NAALAD2: variants seen among roughly 807,000 people sequenced by gnomAD.
The protein encoded by NAALAD2 is N-acetylated-alpha-linked acidic dipeptidase 2.
NAALAD2 carries 89 observed loss-of-function variants against 95.6 expected under a neutral mutation model. That is an observed-to-expected ratio of 0.93 (90% confidence interval 0.78 to 1.11). The LOEUF is 1.11. Among genes scored for constraint, NAALAD2 ranks in the 50% least tolerant of loss-of-function variants. The pLI is 0.00. For synonymous variants in NAALAD2, 264 were observed against 294.4 expected (o/e 0.90, Z 1.06); for missense variants, 894 against 872.4 (o/e 1.02, Z -0.31).
At chr11:90,140,837 A>G (rs752005287) in intron 2 of NAALAD2, among the ~76,000 whole-genome samples, 19 of 152,036 alleles carry the variant, frequency 1.2e-4, no homozygotes, top group Non-Finnish European at 1.8e-4. Flanking sequence ...GAGATTTATA[A>G]TTTACCTTTT....
chr11:90,166,478 C>T (rs900925701), intron 11 of NAALAD2, among the ~76,000 whole-genome samples: 3 of 151,966 alleles, frequency 2.0e-5, no homozygotes. Context: ...CTTGGGTATC[C>T]CCTCCATAAA....
Position 90,150,526 on chromosome 11 carries a change from C to G in NAALAD2, c.528C>G (p.Phe176Leu). Reference protein sequence around the residue: ...YVNYARTEDFFKLEREMGINC... With the variant: ...YVNYARTEDFLKLEREMGINC... ...ACTATGCTCGCACTGAAGACTTTTT[C>G]AAACTAGAAAGAGAGATGGGCATCA... Residue 176 changes from phenylalanine to leucine, a missense_variant, in exon 5 of 19, where the codon TTC (phenylalanine) becomes TTG (leucine). Coordinates refer to ENST00000534061, the MANE Select transcript of NAALAD2 (RefSeq NM_005467.4). The G allele has an allele frequency of 6.2e-7, 1 of 1,609,986 alleles. No homozygotes were observed. Among genetic ancestry groups the G allele is most frequent in the Non-Finnish European group, 8.5e-7 (1 of 1,177,734 alleles).
intron 2 of NAALAD2, among the ~76,000 whole-genome samples, chr11:90,145,829 T>C (rs979047080): frequency 6.6e-6 from 1 of 152,186 alleles, no homozygotes; most frequent in African/African-American, 2.4e-5. Flanking sequence ...AAAATAAGTA[T>C]ACTCAGTGAC....
intron 18 of NAALAD2, among the ~76,000 whole-genome samples, chr11:90,184,810 G>T (rs1243097066): frequency 6.6e-6 from 1 of 151,714 alleles, no homozygotes; most frequent in Non-Finnish European, 1.5e-5. Flanking sequence ...TCAGCCCTCT[G>T]TATCTGTGAG....
intron 2 of NAALAD2, among the ~76,000 whole-genome samples, chr11:90,138,771 A>T (rs113071400): frequency 7.4e-4 from 75 of 101,520 alleles, no homozygotes; most frequent in African/African-American, 2.8e-3. Context: ...CCATATTCAC[A>T]ATCTCTTTCA....
intron 18 of NAALAD2, among the ~76,000 whole-genome samples, chr11:90,186,043 T>C (rs983169795): frequency 2.0e-5 from 3 of 152,126 alleles, no homozygotes; most frequent in African/African-American, 4.8e-5. Context: ...TTATTTATTA[T>C]ACTTTTAAGT....
chr11:90,191,531 C>A, intron 18 of NAALAD2, 27 bp from the exon 19 acceptor site: 4 of 1,505,698 alleles, frequency 2.7e-6, no homozygotes, highest in South Asian at 1.4e-5. Flanking sequence ...CACTTTAGTT[C>A]AATTTGCCTT....
upstream of NAALAD2, among the ~76,000 whole-genome samples, chr11:90,134,256 A>G (rs1951401805): frequency 6.6e-6 from 1 of 152,208 alleles, no homozygotes; most frequent in Admixed American, 6.5e-5. Context: ...TGATTGCGGT[A>G]TTAGTGATGT....
chr11:90,147,065 A>T (rs7942570), intron 2 of NAALAD2, among the ~76,000 whole-genome samples: 3,750 of 152,264 alleles, frequency 0.025, 148 homozygotes, highest in African/African-American at 0.084. Context: ...CCAGGGTGTC[A>T]TCTCATATCT....
chr11:90,142,669 G>A (rs889911366), intron 2 of NAALAD2, among the ~76,000 whole-genome samples: 2 of 151,910 alleles, frequency 1.3e-5, no homozygotes, highest in African/African-American at 4.8e-5. Flanking sequence ...TATCCACTCT[G>A]GTAACCTCTG....
At chr11:90,185,492 G>A (rs768218736) in intron 18 of NAALAD2, among the ~76,000 whole-genome samples, 34 of 151,980 alleles carry the variant, frequency 2.2e-4, no homozygotes, top group South Asian at 4.2e-4. Context: ...GTAACACAGC[G>A]AGACCCTGTT....
intron 10 of NAALAD2, 38 bp downstream of exon 10, chr11:90,163,467 G>T: frequency 1.2e-6 from 2 of 1,613,190 alleles, no homozygotes. Flanking sequence ...GACAAAAAGT[G>T]ACTTACTGAA....
intron 12 of NAALAD2, chr11:90,169,423 T>G (rs1207460881): frequency 6.5e-6 from 1 of 154,726 alleles, no homozygotes; most frequent in Admixed American, 6.6e-5. Context: ...ACTTACTCAC[T>G]CCTTTTGAAC....
intron 16 of NAALAD2, among the ~76,000 whole-genome samples, chr11:90,179,975 C>T (rs1394330427): frequency 1.3e-5 from 2 of 152,064 alleles, no homozygotes; most frequent in Non-Finnish European, 2.9e-5. Context: ...CCTGATGTGT[C>T]CCACTTTCTT....
intron 6 of NAALAD2, among the ~76,000 whole-genome samples, chr11:90,154,104 G>T (rs372462894): frequency 5.6e-5 from 8 of 142,998 alleles, no homozygotes; most frequent in African/African-American, 2.1e-4. Context: ...TTGCTTTATT[G>T]TACTGGCTAG....
At chr11:90,164,797 T>G (rs1952389540) in intron 11 of NAALAD2, among the ~76,000 whole-genome samples, 1 of 152,122 alleles carries the variant, frequency 6.6e-6, no homozygotes, top group Admixed American at 6.6e-5. Flanking sequence ...AAAAACTAGG[T>G]GAAGAGAGAA....
rs533787538 is a variant in NAALAD2, at chr11:90,141,713, G to A, written c.195-5617G>A. ...GATCCTCCCACCTAGGCCTCCCAGA[G>A]TTCTGGGATTACAAATGTGAGCCAC... On this transcript the variant is annotated intron_variant, in intron 2 of 18. Coordinates refer to ENST00000534061, the MANE Select transcript of NAALAD2 (RefSeq NM_005467.4). Among the ~76,000 whole-genome samples, 44 of 152,204 alleles carry A rather than the reference G, an allele frequency of 2.9e-4. No homozygotes were observed. The South Asian group carries it at 9.1e-3, about 32-fold the overall frequency.
At chr11:90,147,763 A>G (rs887584115) in intron 3 of NAALAD2, among the ~76,000 whole-genome samples, 5 of 152,180 alleles carry the variant, frequency 3.3e-5, no homozygotes, top group Admixed American at 1.3e-4. Context: ...TATGAAGATT[A>G]TGATTAGAAT....
intron 14 of NAALAD2, among the ~76,000 whole-genome samples, chr11:90,175,526 A>G (rs1307616753): frequency 1.3e-5 from 2 of 152,190 alleles, no homozygotes; most frequent in African/African-American, 4.8e-5. Context: ...AATGAGGCAC[A>G]TTTATATTCT....
Sources: gnomAD v4.1 joint callset for allele counts (sites outside exome capture counted in the v4.1 genomes callset) on GRCh38, gnomAD v4.1.1 for gene constraint, MANE v1.5 for transcripts, NCBI Gene and HGNC (gene_info 2026-07-23, HGNC 2026-07-21) for gene names.